TMEM179B: variants seen among roughly 807,000 people sequenced by gnomAD.
TMEM179B encodes the protein transmembrane protein 179B.
In TMEM179B, 13 loss-of-function variants were observed where a neutral mutation model predicts 18.0. The observed-to-expected ratio is 0.72, with a 90% CI of 0.47 to 1.15. The LOEUF (loss-of-function observed/expected upper bound fraction) is 1.15. TMEM179B is among the 50% of genes most tolerant of loss of function. TMEM179B has a pLI of 0.00. For synonymous variants in TMEM179B, 159 were observed against 117.5 expected, an observed-to-expected ratio of 1.35 and a Z score of -2.29; for missense variants, 320 against 270.6, an observed-to-expected ratio of 1.18 and a Z score of -1.28.
chr11:62,789,028 C>G lies in TMEM179B; in HGVS notation c.102C>G (p.Ser34=), dbSNP rs774662282. The change falls in exon 2 of 5, where the codon TCC becomes TCG. Residue 34 remains serine, a synonymous_variant. Transcript: ENST00000333449. ...TCAGCAGCTTCTCTCCACAGGGCTC[C>G]TTCAGTGGTAGATGTCCCCTGTATG... ...AAAAMTRTQG[S]FSGRCPLYGV... 1.9e-6 allele frequency: 3 copies of G among 1,611,280 alleles called. No homozygotes were observed. Among genetic ancestry groups the G allele is most frequent in the Non-Finnish European group, 2.5e-6 (3 of 1,177,966 alleles).
intron 3 of TMEM179B, 81 bp downstream of exon 3, chr11:62,789,507 C>A: frequency 6.3e-7 from 1 of 1,597,546 alleles, no homozygotes; most frequent in Non-Finnish European, 8.5e-7. Context: ...CTTTTATCCC[C>A]ATCAGTTGCT....
At position 62,790,131 on chromosome 11, in the gene TMEM179B, G is replaced by T; in HGVS notation, c.*84G>T. ...CCCCCTCAAGGCCCTGTTTATGTTG[G>T]GAGTCTTAGTTTTCCTTTCGTTGGG... On this transcript the variant is annotated 3_prime_UTR_variant, in exon 5 of 5. Coordinates refer to ENST00000333449, the MANE Select transcript of TMEM179B (RefSeq NM_199337.3). 1 of 1,409,192 alleles carries T rather than the reference G, an allele frequency of 7.1e-7. No homozygotes were observed. The highest frequency in any genetic ancestry group is 9.4e-7 in the Non-Finnish European group (1 of 1,064,604). 87.3% of individuals were successfully genotyped at this position (1,409,192 alleles called of 1,614,324 possible).
rs747628620 is a variant in TMEM179B at position 62,789,046 on chromosome 11, C to T, written c.120C>T (p.Pro40=). 2.4e-5 allele frequency: 38 copies of T among 1,613,934 alleles called. No individual in the cohort carries two copies. The highest frequency in any genetic ancestry group is 3.1e-5 in the Non-Finnish European group (37 of 1,179,956). The change falls in exon 2 of 5, where the codon CCC becomes CCT. Residue 40 remains proline (P), a synonymous_variant. Coordinates refer to ENST00000333449, the MANE Select transcript of TMEM179B (RefSeq NM_199337.3). The part of the protein sequence containing the change: ...RTQGSFSGRC[P]LYGVATLNGS... ...AGGGCTCCTTCAGTGGTAGATGTCC[C>T]CTGTATGGTGTGGCCACCCTGAATG...
intron 1 of TMEM179B, 198 bp downstream of exon 1, chr11:62,787,725 A>C: frequency 1.4e-6 from 1 of 729,132 alleles, no homozygotes; most frequent in Non-Finnish European, 2.3e-6. Flanking sequence ...TCATACTTCG[A>C]AGTTGTCCCC....
chr11:62,787,939 G>A, intron 1 of TMEM179B: 1 of 489,728 alleles, frequency 2.0e-6, no homozygotes, highest in Non-Finnish European at 4.0e-6. Context: ...CCACATGATT[G>A]TAGCACAGTG....
intron 4 of TMEM179B, 58 bp downstream of exon 4, chr11:62,789,737 T>C: frequency 2.0e-6 from 3 of 1,515,552 alleles, no homozygotes; most frequent in Non-Finnish European, 2.7e-6. Flanking sequence ...GTGTGGGTGC[T>C]CACCAGTGTA....
At chr11:62,788,177 C>T (rs936417812) in intron 1 of TMEM179B, among the ~76,000 whole-genome samples, 2 of 152,136 alleles carry the variant, frequency 1.3e-5, no homozygotes, top group African/African-American at 4.8e-5. Flanking sequence ...CTGAGGCAGG[C>T]GGATCACTTG....
intron 3 of TMEM179B, 30 bp from the exon 4 acceptor site, chr11:62,789,571 T>C (rs955435917): frequency 6.5e-7 from 1 of 1,550,296 alleles, no homozygotes; most frequent in African/African-American, 1.4e-5. Flanking sequence ...ACTATCACGC[T>C]TTCTCACAAC....
In TMEM179B at chr11:62,789,061, C is replaced by T. The variant is rs746676299; in HGVS notation, c.135C>T (p.Ala45=). The change falls in exon 2 of 5, where the codon GCC becomes GCT. Residue 45 remains alanine, a synonymous_variant. Coordinates refer to ENST00000333449, the MANE Select transcript of TMEM179B (RefSeq NM_199337.3). ...GTAGATGTCCCCTGTATGGTGTGGC[C>T]ACCCTGAATGGCTCCTCCCTGGCCT... ...FSGRCPLYGV[A]TLNGSSLALS... 4 of 1,614,056 alleles carry T rather than the reference C, an allele frequency of 2.5e-6. No homozygotes were observed. The South Asian group carries it at 3.3e-5, about 13-fold the overall frequency.
chr11:62,787,843 A>G (rs2134736250), intron 1 of TMEM179B: 1 of 642,162 alleles, frequency 1.6e-6, no homozygotes, highest in Non-Finnish European at 2.9e-6. Flanking sequence ...TCAGTGCAGA[A>G]CCTGCGTCCA....
At position 62,787,534 on chromosome 11, in the gene TMEM179B, C is replaced by T. The variant is rs768315232; in HGVS notation, c.96+7C>T. 6.4e-7 allele frequency: 1 copy of T among 1,557,236 alleles called. No individual in the cohort carries two copies. The highest frequency in any genetic ancestry group is 1.8e-5 in the Admixed American group (1 of 54,266). ...GGCGATGACTCGGACCCAGGTGCGG[C>T]TGCGGGGCGGGGTCAGGTAGGCGGG... On this transcript the variant is annotated splice_region_variant and intron_variant, in intron 1 of 4. Coordinates refer to ENST00000333449, the MANE Select transcript of TMEM179B (RefSeq NM_199337.3).
intron 2 of TMEM179B, 31 bp from the exon 3 acceptor site, chr11:62,789,258 ACCT>A (rs1390769200): frequency 5.0e-6 from 8 of 1,613,674 alleles, no homozygotes; most frequent in Non-Finnish European, 6.8e-6. Context: ...GATGAGCCTC[ACCT>A]CCACCACAAG....
Position 62,789,930 on chromosome 11 carries a change from G to A in TMEM179B, c.543G>A (p.Val181=), listed in dbSNP as rs1220721334. 6.2e-7 allele frequency: 1 copy of A among 1,614,120 alleles called. No homozygotes were observed. Among genetic ancestry groups the A allele is most frequent in the South Asian group, 1.1e-5 (1 of 91,078 alleles). ...VNLVLWCVVL[V]LQVVQWKSEA... is the part of the protein sequence containing the mutation. ...TGGTATTGTGGTGTGTGGTCTTGGT[G>A]CTCCAGGTCGTGCAGTGGAAGTCTG... The change falls in exon 5 of 5, where the codon GTG becomes GTA. Residue 181 remains valine (V), a synonymous_variant. Coordinates refer to ENST00000333449, the MANE Select transcript of TMEM179B (RefSeq NM_199337.3).
intron 2 of TMEM179B, 33 bp from the exon 3 acceptor site, chr11:62,789,259 C>T (rs777108288): frequency 6.2e-7 from 1 of 1,613,990 alleles, no homozygotes; most frequent in Non-Finnish European, 8.5e-7. Flanking sequence ...ATGAGCCTCA[C>T]CTCCACCACA....
rs923751420 is a variant in TMEM179B, at chr11:62,789,975, T to A, written c.588T>A (p.Pro196=). 3 of 1,614,164 alleles carry A rather than the reference T, an allele frequency of 1.9e-6. No individual in the cohort carries two copies. The highest frequency in any genetic ancestry group is 1.6e-4 in the Middle Eastern group (1 of 6,062). ...AGTCTGAAGCCACCCCATACCGGCC[T>A]CTGGAGAGGGGTGACCCTGAGTGGA... ...QWKSEATPYR[P]LERGDPEWSS... is the part of the protein sequence containing the mutation. Residue 196 remains proline, a synonymous_variant, in exon 5 of 5, where the codon CCT becomes CCA. Transcript: ENST00000333449.
In TMEM179B at chr11:62,789,204, C is replaced by A. The variant is rs779905121; in HGVS notation, c.278C>A (p.Ser93Tyr). 1.2e-6 allele frequency: 2 copies of A among 1,614,138 alleles called. No homozygotes were observed. The highest frequency in any genetic ancestry group is 3.3e-5 in the Admixed American group (2 of 60,014). The change falls in exon 2 of 5, where the codon TCC becomes TAC. Residue 93 changes from serine to tyrosine, a missense_variant. Transcript: ENST00000333449. ...FWIYSSCIED[S>Y]HRGAIGLRIA... Reference sequence around the variant, plus strand: ...ATCTACAGCAGCTGCATCGAGGACTCCCACAGGTGACTGCCTAACCCTGAG... The same window carrying A: ...ATCTACAGCAGCTGCATCGAGGACTACCACAGGTGACTGCCTAACCCTGAG...
At chr11:62,788,031 G>A (rs909836885) in intron 1 of TMEM179B, 6 of 457,724 alleles carry the variant, frequency 1.3e-5, no homozygotes, top group African/African-American at 1.0e-4. Context: ...CCCCAGCCAG[G>A]TAATCTGGTT....
At chr11:62,787,651 T>C in intron 1 of TMEM179B, 124 bp downstream of exon 1, 3 of 1,259,416 alleles carry the variant, frequency 2.4e-6, no homozygotes, top group Non-Finnish European at 3.2e-6. Context: ...GAGGCACGGC[T>C]GGCGCCGGCC....
At chr11:62,787,723 C>G (rs2084304499) in intron 1 of TMEM179B, 196 bp downstream of exon 1, 1 of 730,674 alleles carries the variant, frequency 1.4e-6, no homozygotes, top group Middle Eastern at 2.8e-4. Context: ...GGTCATACTT[C>G]GAAGTTGTCC....
Sources: allele counts gnomAD v4.1 joint callset (sites outside exome capture counted in the v4.1 genomes callset), GRCh38; gene constraint gnomAD v4.1.1; transcripts MANE v1.5; gene names NCBI Gene and HGNC (gene_info 2026-07-23, HGNC 2026-07-21).